CDH8: variants seen among roughly 807,000 people sequenced by gnomAD.
CDH8 encodes the protein cadherin 8.
In CDH8, 17 loss-of-function variants were observed where a neutral mutation model predicts 68.1. That is an observed-to-expected ratio of 0.25 (90% CI 0.17 to 0.37). CDH8 has a LOEUF of 0.37. Among genes scored for constraint, CDH8 ranks in the 10% least tolerant of loss-of-function variants. The pLI is 1.00. For synonymous variants in CDH8, 372 were observed against 365.1 expected (o/e 1.02, Z -0.21); for missense variants, 763 against 999.3 (o/e 0.76, Z 3.19).
chr16:61,845,466 C>T (rs754504960), intron 4 of CDH8, among the ~76,000 whole-genome samples: 1 of 138,134 alleles, frequency 7.2e-6, no homozygotes, highest in Non-Finnish European at 1.5e-5. Context: ...CTTTACCGCA[C>T]GTGAAAACTA....
chr16:61,956,149 C>T (rs1022564061), intron 2 of CDH8, among the ~76,000 whole-genome samples: 1 of 152,086 alleles, frequency 6.6e-6, no homozygotes. Flanking sequence ...AGAGTATCAA[C>T]CCTGTAAACT....
chr16:62,004,141 C>G (rs1051104784), intron 2 of CDH8, among the ~76,000 whole-genome samples: 3 of 152,168 alleles, frequency 2.0e-5, no homozygotes, highest in African/African-American at 7.2e-5. Flanking sequence ...ATGTCCAAGG[C>G]GTGAACTGTC....
intron 10 of CDH8, among the ~76,000 whole-genome samples, chr16:61,669,806 A>T (rs1210391698): frequency 6.6e-6 from 1 of 152,076 alleles, no homozygotes; most frequent in Non-Finnish European, 1.5e-5. Flanking sequence ...TTACCGGGAC[A>T]AAACACAGAG....
chr16:61,732,055 G>A (rs1959551955), intron 8 of CDH8, among the ~76,000 whole-genome samples: 1 of 151,344 alleles, frequency 6.6e-6, no homozygotes, highest in Non-Finnish European at 1.5e-5. Flanking sequence ...GTGAAGATCA[G>A]TAGAGAATCA....
chr16:62,001,557 AATG>A (rs562427388), intron 2 of CDH8, among the ~76,000 whole-genome samples: 45 of 152,296 alleles, frequency 3.0e-4, no homozygotes, highest in African/African-American at 1.1e-3. Flanking sequence ...TGTCAGTGAT[AATG>A]ATTTACATAG....
intron 1 of CDH8, among the ~76,000 whole-genome samples, chr16:62,025,145 G>A (rs189540483): frequency 1.0e-3 from 157 of 152,166 alleles, no homozygotes; most frequent in African/African-American, 3.8e-3. Context: ...AACTGAGAAG[G>A]GGGTATAAGT....
At chr16:61,756,455 T>C (rs936948753) in intron 8 of CDH8, among the ~76,000 whole-genome samples, 13 of 152,082 alleles carry the variant, frequency 8.5e-5, no homozygotes, top group Admixed American at 1.3e-4. Flanking sequence ...AAGATTCCTT[T>C]TTAGATTTTG....
chr16:61,662,425 A>G (rs1293810417), intron 10 of CDH8, among the ~76,000 whole-genome samples: 1 of 151,766 alleles, frequency 6.6e-6, no homozygotes, highest in Non-Finnish European at 1.5e-5. Context: ...TTCTAGAAGT[A>G]AAAAATATAT....
At chr16:61,901,568 C>A in intron 2 of CDH8, 95 bp from the exon 3 acceptor site, 1 of 801,652 alleles carries the variant, frequency 1.2e-6, no homozygotes, top group Non-Finnish European at 2.0e-6. Context: ...GTTCTTTTTA[C>A]ATAACATCAT....
At chr16:61,820,306 C>A (rs1962180111) in intron 6 of CDH8, among the ~76,000 whole-genome samples, 1 of 136,932 alleles carries the variant, frequency 7.3e-6, no homozygotes, top group African/African-American at 2.9e-5. Flanking sequence ...GAATGTTCTG[C>A]CTGTTTGGTT....
chr16:61,885,637 G>A (rs1045470952), intron 3 of CDH8, among the ~76,000 whole-genome samples: 3 of 151,420 alleles, frequency 2.0e-5, no homozygotes, highest in Non-Finnish European at 2.9e-5. Context: ...ATAAACGTGT[G>A]GGAATTGTTT....
rs1175424649 is a variant in CDH8 at position 62,002,782 on chromosome 16, G to A, written c.252+18370C>T. On this transcript the variant is annotated intron_variant, in intron 2 of 11. Coordinates refer to ENST00000577390, the MANE Select transcript of CDH8 (RefSeq NM_001796.5). The stretch of plus-strand genomic sequence containing the variant: ...CTTAAAAACAAATTTGGCCGGGTGC[G>A]GTGGCTCACGCCTGTAATCCCAGCA... Among the ~76,000 whole-genome samples, 8 of 152,166 alleles carry A rather than the reference G, an allele frequency of 5.3e-5. 1 individual carries two copies. The highest frequency in any genetic ancestry group is 3.3e-4 in the Admixed American group (5 of 15,278).
rs1052233448 is a variant in CDH8 at position 61,650,182 on chromosome 16, A to G, written c.*3426T>C. On this transcript the variant is annotated 3_prime_UTR_variant, in exon 12 of 12. Coordinates refer to ENST00000577390, the MANE Select transcript of CDH8 (RefSeq NM_001796.5). ...TGTTTAGAAACTTATAACTATACTC[A>G]TAAAAATATTGTTAAGAAATGCCCC... 6.6e-6 allele frequency: 1 copy of G among 152,136 alleles called. No individual in the cohort carries two copies. Among genetic ancestry groups the G allele is most frequent in the Non-Finnish European group, 1.5e-5 (1 of 68,030 alleles). 9.4% of individuals were successfully genotyped at this position (152,136 alleles called of 1,614,324 possible). A position where few individuals can be genotyped will look rare whatever the true frequency, so the allele number is the denominator to read the frequency against.
intron 4 of CDH8, among the ~76,000 whole-genome samples, chr16:61,830,984 G>C (rs1428038916): frequency 1.3e-5 from 2 of 151,660 alleles, no homozygotes; most frequent in Non-Finnish European, 2.9e-5. Flanking sequence ...GCTAGCCTTG[G>C]ACTAACACAG....
chr16:62,011,916 C>T (rs775214774), intron 2 of CDH8, among the ~76,000 whole-genome samples: 5 of 152,110 alleles, frequency 3.3e-5, no homozygotes, highest in South Asian at 2.1e-4. Flanking sequence ...CTGAGTATTC[C>T]GATTTTTGTG....
chr16:61,656,375 G>T (rs764580368), intron 10 of CDH8, among the ~76,000 whole-genome samples: 15 of 152,006 alleles, frequency 9.9e-5, no homozygotes, highest in Non-Finnish European at 1.9e-4. Flanking sequence ...TCTTTATTTA[G>T]CCTGATAATA....
At chr16:61,947,661 AT>A (rs1224433009) in intron 2 of CDH8, among the ~76,000 whole-genome samples, 1 of 152,110 alleles carries the variant, frequency 6.6e-6, no homozygotes, top group Non-Finnish European at 1.5e-5. Context: ...TATGAATGTG[AT>A]TTTTTTCTTG....
chr16:61,709,833 CCTT>C (rs1326713982), intron 10 of CDH8, among the ~76,000 whole-genome samples: 2 of 152,082 alleles, frequency 1.3e-5, no homozygotes, highest in Admixed American at 6.5e-5. Context: ...TCTTCTTCCT[CCTT>C]CTTTTTATTT....
At chr16:61,800,071 G>A (rs1019883646) in intron 7 of CDH8, among the ~76,000 whole-genome samples, 1 of 152,054 alleles carries the variant, frequency 6.6e-6, no homozygotes, top group South Asian at 2.1e-4. Flanking sequence ...ACCACGCCCG[G>A]CTATTTCTTT....
Sources: allele counts gnomAD v4.1 joint callset (sites outside exome capture counted in the v4.1 genomes callset), GRCh38; gene constraint gnomAD v4.1.1; transcripts MANE v1.5; gene names NCBI Gene and HGNC (gene_info 2026-07-23, HGNC 2026-07-21).